Variants in NDUFB5 observed in about 807,000 individuals in gnomAD.
The protein encoded by NDUFB5 is NADH:ubiquinone oxidoreductase subunit B5, also known as NADH dehydrogenase [ubiquinone] 1 beta subcomplex subunit 5, mitochondrial.
A neutral mutation model predicts 19.4 loss-of-function variants in NDUFB5; 19 were observed. That is an observed-to-expected ratio of 0.98 (90% CI 0.68 to 1.43). The LOEUF is 1.43. NDUFB5 is among the 40% of genes most tolerant of loss of function. The pLI, the probability that NDUFB5 is intolerant of heterozygous loss-of-function variation, is 0.00. For synonymous variants in NDUFB5, 80 were observed against 82.6 expected (o/e 0.97, Z 0.17); for missense variants, 233 against 236.5 (o/e 0.99, Z 0.10).
chr3:179,621,690 A>G (rs867791394), intron 5 of NDUFB5, among the ~76,000 whole-genome samples: 3 of 151,542 alleles, frequency 2.0e-5, no homozygotes, highest in Non-Finnish European at 2.9e-5. Context: ...GGGTTTTGCC[A>G]GGCTGGTCTT....
intron 5 of NDUFB5, among the ~76,000 whole-genome samples, chr3:179,622,389 CT>C (rs1377011053): frequency 6.6e-6 from 1 of 152,100 alleles, no homozygotes; most frequent in East Asian, 1.9e-4. Flanking sequence ...CTCAAGCAAC[CT>C]TCCCACCTCA....
At chr3:179,616,185 A>T (rs1330141666) in intron 3 of NDUFB5, 136 bp downstream of exon 3, 1 of 672,906 alleles carries the variant, frequency 1.5e-6, no homozygotes, top group Non-Finnish European at 2.5e-6. Context: ...ATGGCAGTTT[A>T]TCTTAAAATA....
chr3:179,612,984 G>A (rs114087233), intron 1 of NDUFB5, among the ~76,000 whole-genome samples: 1,612 of 152,192 alleles, frequency 0.011, 24 homozygotes, highest in African/African-American at 0.031. Context: ...TTGGCCTTTG[G>A]CTTTTTTGTG....
intron 1 of NDUFB5, among the ~76,000 whole-genome samples, chr3:179,609,893 A>G (rs1418285751): frequency 1.3e-5 from 2 of 152,050 alleles, no homozygotes; most frequent in Non-Finnish European, 2.9e-5. Flanking sequence ...ATTTGTGTAT[A>G]TATCTTCTTT....
chr3:179,619,196 G>GTT (rs63194561), intron 5 of NDUFB5, among the ~76,000 whole-genome samples: 3 of 123,838 alleles, frequency 2.4e-5, no homozygotes, highest in Admixed American at 8.3e-5. Context: ...CTGAGTGCCT[G>GTT]TTTTTTTTTT....
chr3:179,609,492 G>A (rs1280828974), intron 1 of NDUFB5, among the ~76,000 whole-genome samples: 1 of 152,194 alleles, frequency 6.6e-6, no homozygotes, highest in Non-Finnish European at 1.5e-5. Context: ...CACTCTACTG[G>A]GGCTATGTGT....
rs1315902541 is a variant in NDUFB5 at position 179,618,534 on chromosome 3, AG to A, written c.449+18del. ...AGGCTGAATTACGGTAGGAAAAACG[AG>A]GGGGTAGGTGGGAAAGAAAATCTTC... On this transcript the variant is annotated intron_variant, in intron 5 of 5. Coordinates refer to ENST00000259037, the MANE Select transcript of NDUFB5 (RefSeq NM_002492.4). 1.9e-6 allele frequency: 3 copies of A among 1,571,848 alleles called. No individual in the cohort carries two copies. The highest frequency in any genetic ancestry group is 1.1e-5 in the South Asian group (1 of 88,442).
Position 179,615,015 on chromosome 3 carries a change from A to T in NDUFB5, c.169A>T (p.Ile57Phe), listed in dbSNP as rs148532160. The T allele has an allele frequency of 1.3e-4, 217 of 1,609,994 alleles. No individual in the cohort carries two copies. The African/African-American group carries it at 2.7e-3, about 20-fold the overall frequency. Reference protein sequence around the residue: ...SGDHGKRLFVIRPSRFYDRRF... With the variant: ...SGDHGKRLFVFRPSRFYDRRF... Reference sequence around the variant, plus strand: ...AGACCATGGGAAAAGACTATTTGTCATCAGACCTTCTAGATTCTATGACAG... The same window carrying T: ...AGACCATGGGAAAAGACTATTTGTCTTCAGACCTTCTAGATTCTATGACAG... Residue 57 changes from isoleucine (I) to phenylalanine (F), a missense_variant, in exon 2 of 6, where the codon ATC (isoleucine) becomes TTC (phenylalanine). Ile to Phe is a conservative substitution (Grantham distance 21). Coordinates refer to ENST00000259037, the MANE Select transcript of NDUFB5 (RefSeq NM_002492.4).
intron 2 of NDUFB5, 53 bp downstream of exon 2, chr3:179,615,112 AT>A (rs1476304258): frequency 8.0e-6 from 9 of 1,125,212 alleles, no homozygotes; most frequent in South Asian, 3.0e-5. Context: ...CAGGGAAAAA[AT>A]TTTTGCCTCT....
At chr3:179,617,267 C>A in intron 4 of NDUFB5, 1 of 347,868 alleles carries the variant, frequency 2.9e-6, no homozygotes, top group Non-Finnish European at 5.3e-6. Flanking sequence ...TCTCCCACGT[C>A]GCTGGGATCA....
rs142554940 is a variant in NDUFB5, at chr3:179,614,729, T to A, written c.125-242T>A. 7 of 234,048 alleles carry A rather than the reference T, an allele frequency of 3.0e-5. No homozygotes were observed. In the East Asian group the frequency reaches 5.6e-4, roughly 19 times the overall value. 14.5% of individuals were successfully genotyped at this position (234,048 alleles called of 1,614,324 possible). A position where few individuals can be genotyped will look rare whatever the true frequency, so the allele number is the denominator to read the frequency against. On this transcript the variant is annotated intron_variant, in intron 1 of 5. Coordinates refer to ENST00000259037, the MANE Select transcript of NDUFB5 (RefSeq NM_002492.4). ...ACTCAAATAAGACATTTTAAAATCT[T>A]AACTCATATTAAACATCTAAGAATG...
intron 1 of NDUFB5, chr3:179,607,947 A>G (rs1043802389): frequency 6.6e-6 from 4 of 607,126 alleles, no homozygotes; most frequent in Non-Finnish European, 2.9e-6. Flanking sequence ...TATTTACCCC[A>G]TTTTGCTTAT....
intron 1 of NDUFB5, chr3:179,607,723 G>A (rs1268679792): frequency 7.1e-6 from 5 of 700,752 alleles, no homozygotes; most frequent in South Asian, 6.0e-5. Context: ...CTCTGTATCC[G>A]TTAAACAATA....
intron 1 of NDUFB5, among the ~76,000 whole-genome samples, chr3:179,610,962 A>G (rs995555491): frequency 6.6e-6 from 1 of 152,226 alleles, no homozygotes; most frequent in Non-Finnish European, 1.5e-5. Context: ...GATAGTTTTA[A>G]TAGGTGGAAC....
chr3:179,615,556 G>T, intron 2 of NDUFB5: 1 of 460,650 alleles, frequency 2.2e-6, no homozygotes, highest in Non-Finnish European at 4.4e-6. Context: ...CTGTCTCAAG[G>T]CTCTATACGA....
Position 179,625,489 on chromosome 3 carries a change from A to G in NDUFB5, c.*1449A>G, listed in dbSNP as rs1452729085. 6.6e-6 allele frequency: 1 copy of G among 152,214 alleles called. No homozygotes were observed. Among genetic ancestry groups the G allele is most frequent in the African/African-American group, 2.4e-5 (1 of 41,464 alleles). The allele number at this position is 152,214 out of a possible 1,614,324, so 9.4% of individuals were successfully genotyped here. A position where few individuals can be genotyped will look rare whatever the true frequency, so the allele number is the denominator to read the frequency against. ...ATTTTGATACATGTATGCAAAGTATAATGGTCAAATCAGGGTATTTGAATA... is the reference window on the plus strand; with the variant it reads ...ATTTTGATACATGTATGCAAAGTATGATGGTCAAATCAGGGTATTTGAATA... On this transcript the variant is annotated 3_prime_UTR_variant, in exon 6 of 6. Transcript: ENST00000259037.
rs1284340178 is a variant in NDUFB5, at chr3:179,626,558, T to G, written c.*2518T>G. On this transcript the variant is annotated 3_prime_UTR_variant, in exon 6 of 6. Coordinates refer to ENST00000259037, the MANE Select transcript of NDUFB5 (RefSeq NM_002492.4). ...TCCATTTTATTTTTTTGAGATGGAG[T>G]CTTGCTGTGTCACCCAGGCTGGAGT... The G allele has an allele frequency of 6.6e-6, 1 of 151,718 alleles. No homozygotes were observed. The allele number at this position is 151,718 out of a possible 1,614,324, so 9.4% of individuals were successfully genotyped here. A position where few individuals can be genotyped will look rare whatever the true frequency, so the allele number is the denominator to read the frequency against.
At chr3:179,608,074 C>G (rs1025597670) in intron 1 of NDUFB5, among the ~76,000 whole-genome samples, 2 of 152,158 alleles carry the variant, frequency 1.3e-5, no homozygotes, top group African/African-American at 4.8e-5. Context: ...CATCTTGACT[C>G]ACTGCAACCC....
intron 5 of NDUFB5, 73 bp downstream of exon 5, chr3:179,618,594 A>G: frequency 1.0e-6 from 1 of 984,848 alleles, no homozygotes. Flanking sequence ...AAATTAATAA[A>G]ACTATGAATA....
Sources: gnomAD v4.1 joint callset for allele counts (sites outside exome capture counted in the v4.1 genomes callset) on GRCh38, gnomAD v4.1.1 for gene constraint, MANE v1.5 for transcripts, NCBI Gene and HGNC (gene_info 2026-07-23, HGNC 2026-07-21) for gene names.